PTPRJ: variants seen among roughly 807,000 people sequenced by gnomAD.
PTPRJ encodes the protein receptor-type tyrosine-protein phosphatase eta.
Under a neutral mutation model 141.3 loss-of-function variants are expected in PTPRJ, and 129 were observed. The ratio of observed to expected loss-of-function variants is 0.91; its 90% confidence interval spans 0.79 to 1.06. PTPRJ has a LOEUF of 1.06. PTPRJ is among the 50% of genes least tolerant of loss of function. PTPRJ has a pLI of 0.00. For synonymous variants in PTPRJ, 610 were observed against 640.5 expected (o/e 0.95, Z 0.72); for missense variants, 1,601 against 1,679.7 (o/e 0.95, Z 0.82).
intron 1 of PTPRJ, among the ~76,000 whole-genome samples, chr11:48,013,149 A>G (rs1425904040): frequency 3.3e-5 from 5 of 150,340 alleles, no homozygotes; most frequent in Non-Finnish European, 5.9e-5. Context: ...GTCAAGCCCC[A>G]CGGGACTGAG....
At chr11:48,141,935 T>A (rs1442120758) in intron 11 of PTPRJ, among the ~76,000 whole-genome samples, 1 of 114,876 alleles carries the variant, frequency 8.7e-6, no homozygotes, top group African/African-American at 2.7e-5. Flanking sequence ...TCTTCCCCAA[T>A]GTGTTTTTTT....
intron 1 of PTPRJ, among the ~76,000 whole-genome samples, chr11:48,064,643 G>A (rs1284930100): frequency 2.0e-5 from 3 of 152,026 alleles, no homozygotes; most frequent in Non-Finnish European, 4.4e-5. Context: ...TTACTCTGTC[G>A]CCCAGGCTAG....
chr11:48,111,987 G>A (rs1565308605), intron 2 of PTPRJ, among the ~76,000 whole-genome samples: 1 of 152,008 alleles, frequency 6.6e-6, no homozygotes, highest in Non-Finnish European at 1.5e-5. Flanking sequence ...GGAGGAATCA[G>A]GAAGTCCCTG....
In PTPRJ at chr11:47,980,605, G is replaced by C. The variant is rs1038282810; in HGVS notation, c.-308G>C. ...GGAGGAGGCAGCGGGAGCAGCCGCG[G>C]GAGCCGGGACCGGGTAGCCGCGCGC... On this transcript the variant is annotated 5_prime_UTR_variant, in exon 1 of 25. Coordinates refer to ENST00000418331, the MANE Select transcript of PTPRJ (RefSeq NM_002843.4). 1 of 983,486 alleles carries C rather than the reference G, an allele frequency of 1.0e-6. No homozygotes were observed. Among genetic ancestry groups the C allele is most frequent in the Non-Finnish European group, 1.2e-6 (1 of 829,484 alleles). 60.9% of individuals were successfully genotyped at this position (983,486 alleles called of 1,614,324 possible).
chr11:48,034,479 T>C (rs1854069162), intron 1 of PTPRJ, among the ~76,000 whole-genome samples: 1 of 152,172 alleles, frequency 6.6e-6, no homozygotes, highest in Admixed American at 6.5e-5. Flanking sequence ...TTGATTGTGT[T>C]AAAGGATACC....
chr11:48,089,173 A>G (rs1245955438), intron 1 of PTPRJ, among the ~76,000 whole-genome samples: 1 of 152,204 alleles, frequency 6.6e-6, no homozygotes, highest in Non-Finnish European at 1.5e-5. Context: ...AAGAAATTGT[A>G]AAAGGAAGCT....
intron 1 of PTPRJ, among the ~76,000 whole-genome samples, chr11:48,003,369 C>T (rs998181628): frequency 1.3e-5 from 2 of 152,136 alleles, no homozygotes; most frequent in African/African-American, 4.8e-5. Context: ...ACACATACCA[C>T]TTGCCTAATA....
At chr11:48,119,045 T>G (rs1046084550) in intron 3 of PTPRJ, among the ~76,000 whole-genome samples, 2 of 111,336 alleles carry the variant, frequency 1.8e-5, no homozygotes, top group East Asian at 5.5e-4. Context: ...AAAAAAGAAA[T>G]AATGGTGCCA....
rs183923997 is a variant in PTPRJ, at chr11:48,145,089, G to C, written c.2876G>C (p.Arg959Pro). 3 of 1,613,990 alleles carry C rather than the reference G, an allele frequency of 1.9e-6. No homozygotes were observed. The African/African-American group carries it at 4.0e-5, about 22-fold the overall frequency. The change falls in exon 14 of 25, where the codon CGC (arginine) becomes CCC (proline). Residue 959 changes from arginine (R) to proline (P), a missense_variant. Coordinates refer to ENST00000418331, the MANE Select transcript of PTPRJ (RefSeq NM_002843.4). ...GCTGAGAGCTATGTGTCCTTCAGTC[G>C]CTACTCAGATGCTGTTTCCTTGCCC... ...DGAESYVSFSRYSDAVSLPQD... is the reference protein window; with the variant it reads ...DGAESYVSFSPYSDAVSLPQD...
intron 1 of PTPRJ, chr11:48,015,853 CA>C (rs34543165): frequency 0.055 from 2,754 of 50,496 alleles, 36 homozygotes; most frequent in African/African-American, 0.15. Flanking sequence ...GACTCTGTCT[CA>C]AAAAAAAAAA....
intron 1 of PTPRJ, among the ~76,000 whole-genome samples, chr11:48,106,231 T>C (rs942022141): frequency 2.0e-5 from 3 of 152,188 alleles, no homozygotes; most frequent in Non-Finnish European, 4.4e-5. Flanking sequence ...TGAGGGGTTA[T>C]AGGTCGAGTC....
intron 1 of PTPRJ, among the ~76,000 whole-genome samples, chr11:48,000,123 T>G (rs1854455009): frequency 6.6e-6 from 1 of 150,550 alleles, no homozygotes; most frequent in Non-Finnish European, 1.5e-5. Context: ...CCTCCCAAAG[T>G]GCTGGTATGC....
intron 1 of PTPRJ, among the ~76,000 whole-genome samples, chr11:48,001,174 G>A (rs764671309): frequency 1.3e-4 from 19 of 151,626 alleles, no homozygotes; most frequent in East Asian, 9.7e-4. Flanking sequence ...TTGTGTTTTC[G>A]TAGAAACAAG....
intron 24 of PTPRJ, among the ~76,000 whole-genome samples, chr11:48,166,678 A>G (rs530283932): frequency 1.3e-5 from 2 of 151,910 alleles, no homozygotes; most frequent in Admixed American, 1.3e-4. Flanking sequence ...TATCATGGAT[A>G]TTTTTCTGTG....
intron 1 of PTPRJ, among the ~76,000 whole-genome samples, chr11:48,059,109 C>CTTTTTT (rs1437506736): frequency 1.6e-5 from 2 of 125,932 alleles, no homozygotes; most frequent in African/African-American, 3.5e-5. Flanking sequence ...CTGTGCTGTG[C>CTTTTTT]CTTTTTTTTT....
intron 1 of PTPRJ, among the ~76,000 whole-genome samples, chr11:47,991,914 C>G (rs1257210194): frequency 6.6e-6 from 1 of 152,130 alleles, no homozygotes; most frequent in East Asian, 1.9e-4. Context: ...ATATTGGCTG[C>G]TATTTTATTA....
intron 1 of PTPRJ, among the ~76,000 whole-genome samples, chr11:48,033,625 G>T (rs1019054227): frequency 1.4e-4 from 22 of 152,300 alleles, no homozygotes; most frequent in Middle Eastern, 3.4e-3. Context: ...AACTGTGTGG[G>T]TGTGGAAATC....
At position 48,084,156 on chromosome 11, in the gene PTPRJ, T is replaced by TTTG. The variant is rs531230136; in HGVS notation, c.97-25887_97-25885dup. Among the ~76,000 whole-genome samples the TTTG allele has an allele frequency of 7.9e-5, 12 of 152,138 alleles. No homozygotes were observed. In the South Asian group the frequency reaches 8.3e-4, roughly 11 times the overall value. On this transcript the variant is annotated intron_variant, in intron 1 of 24. Coordinates refer to ENST00000418331, the MANE Select transcript of PTPRJ (RefSeq NM_002843.4). ...AGAGAGCAAAGAGAGAATCTAGTTTTTTGTTGTTGTTGTTGTTTTGTTTTT... is the reference window on the plus strand; with the variant it reads ...AGAGAGCAAAGAGAGAATCTAGTTTTTTGTTGTTGTTGTTGTTGTTTTGTTTTT...
At position 48,164,543 on chromosome 11, in the gene PTPRJ, C is replaced by T. The variant is rs780243522; in HGVS notation, c.3855+28C>T. The T allele has an allele frequency of 9.3e-6, 14 of 1,512,674 alleles. No individual in the cohort carries two copies. In the South Asian group the frequency reaches 1.7e-4, roughly 18 times the overall value. The allele number at this position is 1,512,674 out of a possible 1,614,324, so 93.7% of individuals were successfully genotyped here. ...GAGGCCAAGATCTGTATTTGACATT[C>T]CACCCTTCCCCTCCATTTTTTTTTT... On this transcript the variant is annotated intron_variant, in intron 24 of 24. Coordinates refer to ENST00000418331, the MANE Select transcript of PTPRJ (RefSeq NM_002843.4).
Sources: allele counts gnomAD v4.1 joint callset (sites outside exome capture counted in the v4.1 genomes callset), GRCh38; gene constraint gnomAD v4.1.1; transcripts MANE v1.5; gene names NCBI Gene and HGNC (gene_info 2026-07-23, HGNC 2026-07-21).